The following ARHGAP26 variants were observed in gnomAD, a reference collection of about 807,000 sequenced individuals.
ARHGAP26 encodes rho GTPase-activating protein 26.
In ARHGAP26, 38 loss-of-function variants were observed where a neutral mutation model predicts 104.8. That is an observed-to-expected ratio of 0.36 (90% CI 0.28 to 0.48). ARHGAP26 has a LOEUF of 0.48. Ranked by LOEUF, ARHGAP26 falls within the 20% of genes least tolerant of loss-of-function variation. ARHGAP26 has a pLI of 0.99. For missense variants in ARHGAP26, 704 were observed against 947.9 expected, an observed-to-expected ratio of 0.74 and a Z score of 3.38; for synonymous variants, 341 against 340.0, an observed-to-expected ratio of 1.00 and a Z score of -0.03.
rs187515193 is a variant in ARHGAP26 at position 143,045,785 on chromosome 5, G to T, written c.1285+3895G>T. On this transcript the variant is annotated intron_variant, in intron 14 of 22. Transcript: ENST00000645722. ...GGCCGAGGCAGGTGGATCACCTGAGGTCAGGAGGTCGAGAGCAGCCAGGCC... is the reference window on the plus strand; with the variant it reads ...GGCCGAGGCAGGTGGATCACCTGAGTTCAGGAGGTCGAGAGCAGCCAGGCC... Among the ~76,000 whole-genome samples the T allele has an allele frequency of 1.9e-4, 29 of 152,218 alleles. No individual in the cohort carries two copies. In the East Asian group the frequency reaches 5.4e-3, roughly 28 times the overall value.
Position 142,771,424 on chromosome 5 carries a change from G to T in ARHGAP26, c.154+509G>T, listed in dbSNP as rs902534117. On this transcript the variant is annotated intron_variant, in intron 1 of 22. Coordinates refer to ENST00000645722, the MANE Select transcript of ARHGAP26 (RefSeq NM_001135608.3). ...CTGTACGCAGCTCCAGCCTAGTCAG[G>T]CCGCCGGGTTCCCTGGGTGGAATGC... 7.3e-6 allele frequency: 9 copies of T among 1,231,612 alleles called. No homozygotes were observed. The African/African-American group carries it at 1.4e-4, about 19-fold the overall frequency. 76.3% of individuals were successfully genotyped at this position (1,231,612 alleles called of 1,614,324 possible).
At chr5:143,200,229 G>A (rs1807484757) in intron 20 of ARHGAP26, among the ~76,000 whole-genome samples, 1 of 152,170 alleles carries the variant, frequency 6.6e-6, no homozygotes, top group Admixed American at 6.5e-5. Context: ...AGTGTTGGTG[G>A]AAATGCACAG....
intron 11 of ARHGAP26, among the ~76,000 whole-genome samples, chr5:142,957,957 C>T (rs1243766199): frequency 1.3e-5 from 2 of 152,220 alleles, no homozygotes; most frequent in East Asian, 1.9e-4. Flanking sequence ...GATAGTTTTT[C>T]TAGAGAGATT....
chr5:142,832,939 T>G (rs1308930437), intron 1 of ARHGAP26, among the ~76,000 whole-genome samples: 1 of 152,214 alleles, frequency 6.6e-6, no homozygotes, highest in Non-Finnish European at 1.5e-5. Context: ...TTTTTTTTGA[T>G]TATAAAAGAA....
chr5:142,867,711 T>C (rs915439892), intron 1 of ARHGAP26: 2 of 152,186 alleles, frequency 1.3e-5, no homozygotes, highest in African/African-American at 2.4e-5. Context: ...CTCCTGCTGG[T>C]GGTAGCTCTC....
intron 17 of ARHGAP26, among the ~76,000 whole-genome samples, chr5:143,099,113 A>G (rs533922561): frequency 1.2e-4 from 18 of 152,380 alleles, no homozygotes; most frequent in Non-Finnish European, 2.1e-4. Flanking sequence ...TCTGCTGGAC[A>G]GAAGTTATTT....
At chr5:142,847,761 T>C (rs1371547778) in intron 1 of ARHGAP26, among the ~76,000 whole-genome samples, 2 of 152,236 alleles carry the variant, frequency 1.3e-5, no homozygotes, top group Non-Finnish European at 2.9e-5. Flanking sequence ...TGGGCAGTGC[T>C]GCAGGTGGAC....
intron 1 of ARHGAP26, among the ~76,000 whole-genome samples, chr5:142,808,259 A>G (rs1467706236): frequency 4.2e-5 from 6 of 143,444 alleles, no homozygotes; most frequent in Admixed American, 2.1e-4. Context: ...AAAAAAAAAA[A>G]AAAAAAAAAA....
intron 1 of ARHGAP26, among the ~76,000 whole-genome samples, chr5:142,780,885 G>A (rs1757355016): frequency 6.6e-6 from 1 of 152,220 alleles, no homozygotes; most frequent in Non-Finnish European, 1.5e-5. Context: ...CGGGAGTTTT[G>A]CATGACATCT....
intron 20 of ARHGAP26, among the ~76,000 whole-genome samples, chr5:143,160,234 T>A (rs947022833): frequency 2.6e-5 from 4 of 151,932 alleles, no homozygotes; most frequent in African/African-American, 9.7e-5. Context: ...TAATTTTTTT[T>A]ATTTTTAGTA....
At chr5:143,187,884 A>T (rs1258695461) in intron 20 of ARHGAP26, among the ~76,000 whole-genome samples, 1 of 152,144 alleles carries the variant, frequency 6.6e-6, no homozygotes, top group Non-Finnish European at 1.5e-5. Context: ...CAGCAGAGAG[A>T]AACATTTTGC....
chr5:142,953,366 T>C (rs1444905121), intron 11 of ARHGAP26, among the ~76,000 whole-genome samples: 1 of 152,256 alleles, frequency 6.6e-6, no homozygotes, highest in Non-Finnish European at 1.5e-5. Flanking sequence ...CCTTCTCGTG[T>C]ACCTTTTTCT....
At chr5:143,191,803 C>T (rs994049413) in intron 20 of ARHGAP26, among the ~76,000 whole-genome samples, 1 of 152,128 alleles carries the variant, frequency 6.6e-6, no homozygotes, top group African/African-American at 2.4e-5. Flanking sequence ...TGCCTGTCTC[C>T]CTCCCAACCA....
chr5:143,190,239 C>T (rs1403100243), intron 20 of ARHGAP26, among the ~76,000 whole-genome samples: 2 of 152,156 alleles, frequency 1.3e-5, no homozygotes, highest in Non-Finnish European at 2.9e-5. Flanking sequence ...GCTTCTGAAG[C>T]TTTTTGAGGA....
chr5:142,904,984 T>C (rs367843659), intron 8 of ARHGAP26, among the ~76,000 whole-genome samples: 1 of 152,142 alleles, frequency 6.6e-6, no homozygotes, highest in Non-Finnish European at 1.5e-5. Context: ...AGTAGTGGTG[T>C]TGGAGTATTG....
At chr5:142,961,638 T>G (rs1770270695) in intron 11 of ARHGAP26, among the ~76,000 whole-genome samples, 1 of 152,224 alleles carries the variant, frequency 6.6e-6, no homozygotes, top group African/African-American at 2.4e-5. Flanking sequence ...ATTTGGCAAC[T>G]GGGATAAGAA....
chr5:142,981,013 A>G (rs1773868620), intron 11 of ARHGAP26, among the ~76,000 whole-genome samples: 1 of 152,170 alleles, frequency 6.6e-6, no homozygotes, highest in Non-Finnish European at 1.5e-5. Flanking sequence ...GTGAGTAATG[A>G]TGTTTGGATA....
intron 12 of ARHGAP26, among the ~76,000 whole-genome samples, chr5:143,030,354 C>G (rs1381910402): frequency 6.6e-6 from 1 of 152,206 alleles, no homozygotes; most frequent in African/African-American, 2.4e-5. Flanking sequence ...CAGCTTCACA[C>G]CACATGCAGC....
intron 11 of ARHGAP26, among the ~76,000 whole-genome samples, chr5:143,013,317 T>A (rs1450087941): frequency 1.3e-5 from 2 of 152,208 alleles, no homozygotes; most frequent in African/African-American, 4.8e-5. Context: ...TGATTTTGCC[T>A]CTTGGCCCAC....
Sources: gnomAD v4.1 joint callset for allele counts (sites outside exome capture counted in the v4.1 genomes callset) on GRCh38, gnomAD v4.1.1 for gene constraint, MANE v1.5 for transcripts, NCBI Gene and HGNC (gene_info 2026-07-23, HGNC 2026-07-21) for gene names.